Variants in CDKN2B-AS1 observed in about 807,000 individuals in gnomAD.
CDKN2B-AS1 encodes CDKN2B and CDKN2A antisense cis and trans regulatory RNA 1.
chr9:22,022,055 G>T lies in CDKN2B-AS1; in HGVS notation n.30-24696G>T, dbSNP rs151250898. 3.4e-4 allele frequency among the ~76,000 whole-genome samples: 52 copies of T among 152,262 alleles called. 2 individuals are homozygous for T. The East Asian group carries it at 8.7e-3, about 25-fold the overall frequency. The stretch of plus-strand genomic sequence containing the variant: ...TGATTTCAGTTCTTTTGCATTTGCT[G>T]AGGAGTGTTTTAATTCCAATTATGT... On this transcript the variant is annotated intron_variant and non_coding_transcript_variant, in intron 1 of 4. Coordinates refer to ENST00000650946, the Ensembl canonical transcript of CDKN2B-AS1.
At chr9:22,094,983 G>A (rs888189518) in intron 4 of CDKN2B-AS1, among the ~76,000 whole-genome samples, 1 of 144,648 alleles carries the variant, frequency 6.9e-6, no homozygotes, top group Non-Finnish European at 1.5e-5. Context: ...CGTACAGATG[G>A]GGTTTTGGTG....
chr9:22,125,670 A>T lies in CDKN2B-AS1; in HGVS notation n.439-1433A>T, dbSNP rs567839332. 5.3e-5 allele frequency among the ~76,000 whole-genome samples: 8 copies of T among 152,336 alleles called. No individual in the cohort carries two copies. In the East Asian group the frequency reaches 1.2e-3, roughly 22 times the overall value. ...AAAATCAAAACACACTTTCTGTTTT[A>T]TTCAGCAATTATGAGCCCTTTGTTT... On this transcript the variant is annotated intron_variant and non_coding_transcript_variant, in intron 4 of 4. Transcript: ENST00000650946.
intron 3 of CDKN2B-AS1, among the ~76,000 whole-genome samples, chr9:22,049,776 T>A (rs964141303): frequency 5.3e-5 from 8 of 152,234 alleles, no homozygotes; most frequent in Non-Finnish European, 1.2e-4. Flanking sequence ...GTTAAATAGA[T>A]ACTTTACAAG....
At chr9:22,124,478 A>G (rs10757278) in intron 4 of CDKN2B-AS1, among the ~76,000 whole-genome samples, 61,504 of 151,872 alleles carry the variant, frequency 0.4, 13,708 homozygotes, top group Middle Eastern at 0.55. Flanking sequence ...CATTCCGGTA[A>G]GCAGCGATGC....
chr9:22,080,706 T>G (rs1257308980), intron 4 of CDKN2B-AS1, among the ~76,000 whole-genome samples: 2 of 152,214 alleles, frequency 1.3e-5, no homozygotes, highest in East Asian at 3.8e-4. Flanking sequence ...GTTGAAGGCT[T>G]TTTGTAAGGT....
At chr9:22,067,719 T>G (rs917299401) in intron 4 of CDKN2B-AS1, among the ~76,000 whole-genome samples, 1 of 152,194 alleles carries the variant, frequency 6.6e-6, no homozygotes, top group Non-Finnish European at 1.5e-5. Flanking sequence ...ATTAAACTCT[T>G]TTTTTTGAAA....
intron 4 of CDKN2B-AS1, among the ~76,000 whole-genome samples, chr9:22,108,978 T>C (rs1475535362): frequency 6.6e-6 from 1 of 152,144 alleles, no homozygotes; most frequent in Non-Finnish European, 1.5e-5. Flanking sequence ...GATGAAAACA[T>C]AGTTTGATAA....
chr9:22,066,227 T>C (rs1824033865), intron 4 of CDKN2B-AS1: 1 of 150,758 alleles, frequency 6.6e-6, no homozygotes, highest in South Asian at 2.1e-4. Flanking sequence ...TTTTTTTTTA[T>C]TTTTAAGACA....
intron 1 of CDKN2B-AS1, among the ~76,000 whole-genome samples, chr9:22,024,609 T>G (rs1012170893): frequency 3.3e-5 from 5 of 152,312 alleles, no homozygotes; most frequent in Admixed American, 2.0e-4. Context: ...CACTGGCAGC[T>G]GCAGGGCTTG....
At chr9:22,020,242 A>G (rs1195733526) in intron 1 of CDKN2B-AS1, among the ~76,000 whole-genome samples, 3 of 152,208 alleles carry the variant, frequency 2.0e-5, no homozygotes, top group Non-Finnish European at 4.4e-5. Context: ...TCCATGGTGT[A>G]TATGTACCAC....
chr9:22,007,726 G>GA (rs1032237058), intron 1 of CDKN2B-AS1, among the ~76,000 whole-genome samples: 1 of 151,886 alleles, frequency 6.6e-6, no homozygotes, highest in African/African-American at 2.4e-5. Context: ...ATTTTACATA[G>GA]AAAAAAAGGG....
chr9:22,018,106 C>G (rs2131216381), intron 1 of CDKN2B-AS1, among the ~76,000 whole-genome samples: 1 of 151,898 alleles, frequency 6.6e-6, no homozygotes, highest in South Asian at 2.1e-4. Context: ...GGTGGATCAC[C>G]TGAGGTCAGG....
chr9:22,041,845 G>C (rs1822909746), intron 1 of CDKN2B-AS1, among the ~76,000 whole-genome samples: 3 of 152,016 alleles, frequency 2.0e-5, no homozygotes, highest in Admixed American at 2.0e-4. Flanking sequence ...AAGCAATAGG[G>C]AGTGGCCTTG....
rs76668758 is a variant in CDKN2B-AS1 at position 22,113,196 on chromosome 9, G to T, written n.439-13907G>T. Among the ~76,000 whole-genome samples, 396 of 152,262 alleles carry T rather than the reference G, an allele frequency of 2.6e-3. 3 individuals are homozygous for T. The highest frequency in any genetic ancestry group is 9.3e-3 in the African/African-American group (385 of 41,558). On this transcript the variant is annotated intron_variant and non_coding_transcript_variant, in intron 4 of 4. Transcript: ENST00000650946. Reference sequence around the variant, plus strand: ...CAAAATCAAAGTATCAATGGGAGCTGCAGTTCTCCCAAGCTGGAGCCTGTG... The same window carrying T: ...CAAAATCAAAGTATCAATGGGAGCTTCAGTTCTCCCAAGCTGGAGCCTGTG...
chr9:22,112,713 T>C (rs1158032944), intron 4 of CDKN2B-AS1, among the ~76,000 whole-genome samples: 1 of 152,206 alleles, frequency 6.6e-6, no homozygotes, highest in Admixed American at 6.5e-5. Context: ...TTCCAAACTA[T>C]TATAGCAAAA....
At chr9:22,114,313 T>C (rs1205395491) in intron 4 of CDKN2B-AS1, among the ~76,000 whole-genome samples, 4 of 152,224 alleles carry the variant, frequency 2.6e-5, no homozygotes, top group Non-Finnish European at 5.9e-5. Context: ...GTCCTGATTC[T>C]TCCTGTCCCT....
Position 22,043,767 on chromosome 9 carries a change from A to G in CDKN2B-AS1, n.30-2984A>G, listed in dbSNP as rs533816027. ...TAGTAATAACAGTAGCTGTTACATC[A>G]CTAGGTTGATGTGCTAGTTAAAAAT... On this transcript the variant is annotated intron_variant and non_coding_transcript_variant, in intron 1 of 4. Coordinates refer to ENST00000650946, the Ensembl canonical transcript of CDKN2B-AS1. Among the ~76,000 whole-genome samples, 33 of 152,152 alleles carry G rather than the reference A, an allele frequency of 2.2e-4. 1 individual carries two copies. In the South Asian group the frequency reaches 6.6e-3, roughly 31 times the overall value.
chr9:22,084,929 C>T (rs909848253), intron 4 of CDKN2B-AS1, among the ~76,000 whole-genome samples: 1 of 152,112 alleles, frequency 6.6e-6, no homozygotes, highest in Non-Finnish European at 1.5e-5. Context: ...TAATATGATA[C>T]TTAATCTCCA....
chr9:22,075,168 G>T (rs1479406616), intron 4 of CDKN2B-AS1, among the ~76,000 whole-genome samples: 1 of 152,210 alleles, frequency 6.6e-6, no homozygotes, highest in African/African-American at 2.4e-5. Flanking sequence ...GGTGACATGT[G>T]AGTAGTTGAG....
Sources: allele counts gnomAD v4.1 joint callset (sites outside exome capture counted in the v4.1 genomes callset), GRCh38; gene constraint gnomAD v4.1.1; transcripts MANE v1.5; gene names NCBI Gene and HGNC (gene_info 2026-07-23, HGNC 2026-07-21).